KIAA1217: variants seen among roughly 807,000 people sequenced by gnomAD.
KIAA1217 encodes sickle tail protein homolog.
KIAA1217 carries 88 observed loss-of-function variants against 163.9 expected under a neutral mutation model. The ratio of observed to expected loss-of-function variants is 0.54; its 90% CI spans 0.45 to 0.64. The LOEUF is 0.64. Among genes scored for constraint, KIAA1217 ranks in the 30% least tolerant of loss-of-function variants. KIAA1217 has a pLI of 0.00. For missense variants in KIAA1217, 2,372 were observed against 2,475.0 expected, an observed-to-expected ratio of 0.96 and a Z score of 0.88; for synonymous variants, 903 against 923.1, an observed-to-expected ratio of 0.98 and a Z score of 0.39.
chr10:24,378,216 T>C, intron 2 of KIAA1217, among the ~76,000 whole-genome samples: 1 of 152,140 alleles, frequency 6.6e-6, no homozygotes. Context: ...CAATTGAGAG[T>C]TTAATTGGAC....
Position 24,113,576 on chromosome 10 carries a change from TAGA to T in KIAA1217, c.-170-106046_-170-106044del, listed in dbSNP as rs1212902033. Among the ~76,000 whole-genome samples, 14 of 152,318 alleles carry T rather than the reference TAGA, an allele frequency of 9.2e-5. No homozygotes were observed. In the South Asian group the frequency reaches 1.0e-3, roughly 11 times the overall value. ...TTGCTCGCAAAATCACTGGAAAGGC[TAGA>T]AGATCAGGATCTAGGCTGGGATTCC... On this transcript the variant is annotated intron_variant, in intron 2 of 18. Coordinates refer to the KIAA1217 transcript ENST00000376462.
At chr10:24,229,506 T>G (rs1225414063) in intron 2 of KIAA1217, among the ~76,000 whole-genome samples, 2 of 152,158 alleles carry the variant, frequency 1.3e-5, no homozygotes, top group African/African-American at 4.8e-5. Flanking sequence ...TTCTTTTTTA[T>G]TTTTATTTTG....
chr10:24,088,274 T>TATATATATATATATATATATACAC (rs1285415158), intron 2 of KIAA1217, among the ~76,000 whole-genome samples: 2 of 107,240 alleles, frequency 1.9e-5, no homozygotes, highest in African/African-American at 6.2e-5. Flanking sequence ...TATATATATA[T>TATATATATATATATATATATACAC]ACACACATAT....
intron 2 of KIAA1217, among the ~76,000 whole-genome samples, chr10:24,152,092 CCTT>C (rs1241475357): frequency 2.6e-5 from 4 of 152,164 alleles, no homozygotes; most frequent in Non-Finnish European, 5.9e-5. Context: ...ATGGCTCTCT[CCTT>C]CTTTTTAGCC....
At chr10:24,191,155 G>T (rs2066699553) in intron 2 of KIAA1217, among the ~76,000 whole-genome samples, 1 of 152,054 alleles carries the variant, frequency 6.6e-6, no homozygotes, top group South Asian at 2.1e-4. Flanking sequence ...ACTTCATCCT[G>T]GGTGATAGAG....
rs552129555 is a variant in KIAA1217, at chr10:23,803,366, G to T, written c.-321+108132G>T. 2.6e-5 allele frequency among the ~76,000 whole-genome samples: 4 copies of T among 152,320 alleles called. No homozygotes were observed. In the South Asian group the frequency reaches 6.2e-4, roughly 24 times the overall value. On this transcript the variant is annotated intron_variant, in intron 1 of 18. Coordinates refer to the KIAA1217 transcript ENST00000376462. ...CCTGAGCATTTGCCTCCCAGAAGGG[G>T]TTATGCCCCACACCAGGGGCAGCCC...
chr10:24,085,006 C>T (rs555084862), intron 2 of KIAA1217, among the ~76,000 whole-genome samples: 1 of 151,416 alleles, frequency 6.6e-6, no homozygotes, highest in East Asian at 1.9e-4. Context: ...CTCTGCCTCC[C>T]GGGTTCACGC....
At position 23,790,818 on chromosome 10, in the gene KIAA1217, C is replaced by T. The variant is rs183928881; in HGVS notation, c.-321+95584C>T. On this transcript the variant is annotated intron_variant, in intron 1 of 18. Coordinates refer to the KIAA1217 transcript ENST00000376462. Reference sequence around the variant, plus strand: ...GCATGATCTTGATGCATTGCAACATCGACCTCCTGGGCTCAAGCCATTGTC... The same window carrying T: ...GCATGATCTTGATGCATTGCAACATTGACCTCCTGGGCTCAAGCCATTGTC... Among the ~76,000 whole-genome samples the T allele has an allele frequency of 7.1e-4, 108 of 151,844 alleles. 2 individuals carry two copies. Among genetic ancestry groups the T allele is most frequent in the Admixed American group, 3.5e-3 (53 of 15,222 alleles).
chr10:24,466,568 C>T (rs938170646), intron 5 of KIAA1217: 2 of 985,006 alleles, frequency 2.0e-6, no homozygotes, highest in Non-Finnish European at 1.2e-6. Flanking sequence ...CTGGGTAATA[C>T]GAAATGGTCT....
intron 2 of KIAA1217, among the ~76,000 whole-genome samples, chr10:24,337,019 T>C (rs2046429081): frequency 1.3e-5 from 2 of 152,182 alleles, no homozygotes; most frequent in South Asian, 4.1e-4. Context: ...TTTATAGATA[T>C]GACAACAAAA....
intron 2 of KIAA1217, among the ~76,000 whole-genome samples, chr10:24,224,971 C>T (rs972347538): frequency 1.4e-4 from 22 of 151,820 alleles, no homozygotes; most frequent in Non-Finnish European, 2.9e-4. Flanking sequence ...GGACTACAGG[C>T]GCCCACCACC....
chr10:23,894,939 T>C (rs978533208), intron 1 of KIAA1217, among the ~76,000 whole-genome samples: 1 of 152,144 alleles, frequency 6.6e-6, no homozygotes, highest in African/African-American at 2.4e-5. Flanking sequence ...GCTAGCCATA[T>C]GTAGAAAGCT....
At chr10:23,781,602 G>GTTTGA (rs1022624602) in intron 1 of KIAA1217, among the ~76,000 whole-genome samples, 2 of 152,128 alleles carry the variant, frequency 1.3e-5, no homozygotes, top group Non-Finnish European at 2.9e-5. Context: ...TAGTCAACTT[G>GTTTGA]TTTGCTTTTG....
At chr10:24,056,458 A>G (rs2060535732) in intron 2 of KIAA1217, among the ~76,000 whole-genome samples, 1 of 152,170 alleles carries the variant, frequency 6.6e-6, no homozygotes, top group South Asian at 2.1e-4. Context: ...GGAGAAGAAT[A>G]AAAGAAAGGA....
chr10:24,455,790 G>T lies in KIAA1217; in HGVS notation c.846+17311G>T, dbSNP rs572752451. Among the ~76,000 whole-genome samples the T allele has an allele frequency of 7.2e-5, 11 of 152,310 alleles. No homozygotes were observed. In the East Asian group the frequency reaches 2.1e-3, roughly 29 times the overall value. On this transcript the variant is annotated intron_variant, in intron 5 of 20. Transcript: ENST00000376454. ...AGATAATTGCAATTTGAGTCTATTT[G>T]TTGTTGTAACACTACGAAATGAATT...
chr10:23,832,669 G>A (rs1477085975), intron 1 of KIAA1217, among the ~76,000 whole-genome samples: 2 of 152,104 alleles, frequency 1.3e-5, no homozygotes, highest in African/African-American at 2.4e-5. Flanking sequence ...TTTAGGAGCT[G>A]TATCCCAGGG....
intron 2 of KIAA1217, among the ~76,000 whole-genome samples, chr10:24,149,696 CAGAAG>C (rs1396628098): frequency 6.6e-6 from 1 of 151,868 alleles, no homozygotes; most frequent in Non-Finnish European, 1.5e-5. Context: ...CTCAATAGTA[CAGAAG>C]AGAAGTTATA....
intron 2 of KIAA1217, among the ~76,000 whole-genome samples, chr10:24,377,705 T>C (rs1044034294): frequency 3.9e-5 from 6 of 152,164 alleles, no homozygotes; most frequent in Admixed American, 3.3e-4. Flanking sequence ...AAATATTTCT[T>C]TAGAAATTTT....
intron 1 of KIAA1217, among the ~76,000 whole-genome samples, chr10:23,874,527 T>C (rs1189515782): frequency 6.6e-6 from 1 of 152,044 alleles, no homozygotes; most frequent in African/African-American, 2.4e-5. Context: ...TAAATTACTA[T>C]TATTTTGTAA....
Sources: gnomAD v4.1 joint callset for allele counts (sites outside exome capture counted in the v4.1 genomes callset) on GRCh38, gnomAD v4.1.1 for gene constraint, MANE v1.5 for transcripts, NCBI Gene and HGNC (gene_info 2026-07-23, HGNC 2026-07-21) for gene names.